The following ALMS1 variants were observed in gnomAD, a reference collection of about 807,000 sequenced individuals.
ALMS1 encodes the protein ALMS1 centrosome and basal body associated protein.
Under a neutral mutation model 352.2 loss-of-function variants are expected in ALMS1, and 271 were observed. The ratio of observed to expected loss-of-function variants is 0.77; its 90% CI spans 0.70 to 0.85. ALMS1 has a LOEUF of 0.85. Ranked by LOEUF, ALMS1 falls within the 40% of genes least tolerant of loss-of-function variation. The probability of loss-of-function intolerance (pLI) is 0.00; values close to 1 mark genes in which losing one functional copy is unlikely to be tolerated. For synonymous variants in ALMS1, 1,865 were observed against 1,761.2 expected (o/e 1.06, Z -1.48); for missense variants, 5,445 against 4,870.7 (o/e 1.12, Z -3.51).
intron 9 of ALMS1, among the ~76,000 whole-genome samples, chr2:73,475,592 A>G (rs1018509690): frequency 2.0e-5 from 3 of 152,128 alleles, no homozygotes; most frequent in African/African-American, 4.8e-5. Flanking sequence ...AGTTGCAAGC[A>G]TTCTTTTTAT....
intron 10 of ALMS1, among the ~76,000 whole-genome samples, chr2:73,500,466 A>G (rs1673196516): frequency 6.6e-6 from 1 of 152,158 alleles, no homozygotes; most frequent in African/African-American, 2.4e-5. Context: ...TTGAGACCAC[A>G]TTTCCTTTGG....
intron 7 of ALMS1, among the ~76,000 whole-genome samples, chr2:73,433,717 A>G (rs1205137038): frequency 6.6e-6 from 1 of 152,138 alleles, no homozygotes; most frequent in Non-Finnish European, 1.5e-5. Context: ...TTGTTTTTGA[A>G]TAGAATTTAC....
At position 73,602,015 on chromosome 2, in the gene ALMS1, C is replaced by T. The variant is rs542448321; in HGVS notation, c.12115-170C>T. Among the ~76,000 whole-genome samples the T allele has an allele frequency of 1.8e-4, 28 of 152,332 alleles. No homozygotes were observed. The South Asian group carries it at 2.5e-3, about 14-fold the overall frequency. ...GATCCCTGCGGTTTCCAAGCTGCAG[C>T]TCTCCCCCATAGAGAGATGTCAGAG... On this transcript the variant is annotated intron_variant, in intron 19 of 22. Coordinates refer to ENST00000613296, the MANE Select transcript of ALMS1 (RefSeq NM_001378454.1).
intron 10 of ALMS1, among the ~76,000 whole-genome samples, chr2:73,501,313 TTGA>T (rs1207764619): frequency 3.3e-5 from 5 of 152,116 alleles, no homozygotes; most frequent in Non-Finnish European, 7.4e-5. Flanking sequence ...AGCTTTAATT[TTGA>T]TGAATTCCAC....
intron 9 of ALMS1, among the ~76,000 whole-genome samples, chr2:73,485,047 G>T (rs1297617433): frequency 6.6e-6 from 1 of 152,140 alleles, no homozygotes; most frequent in African/African-American, 2.4e-5. Flanking sequence ...AGAGTAATTT[G>T]ATCGTCTGAA....
At chr2:73,537,470 CAT>C (rs1340741575) in intron 12 of ALMS1, among the ~76,000 whole-genome samples, 1 of 152,178 alleles carries the variant, frequency 6.6e-6, no homozygotes, top group Non-Finnish European at 1.5e-5. Context: ...TACATCCCAA[CAT>C]ATGTGTGGAG....
chr2:73,438,667 A>C (rs2103749331), intron 7 of ALMS1, among the ~76,000 whole-genome samples: 1 of 152,352 alleles, frequency 6.6e-6, no homozygotes, highest in East Asian at 1.9e-4. Flanking sequence ...GAGCATGGGT[A>C]GAGAGAAAAG....
Position 73,432,202 on chromosome 2 carries a change from C to G in ALMS1, c.1343C>G (p.Thr448Arg), listed in dbSNP as rs774335945. 1.8e-4 allele frequency: 291 copies of G among 1,611,894 alleles called. No individual in the cohort carries two copies. Among genetic ancestry groups the G allele is most frequent in the Non-Finnish European group, 2.3e-4 (273 of 1,178,238 alleles). ...ERVAELQRKP[T>R]RESEYHSSDL... is the part of the protein sequence containing the mutation. ...CCTTCATTTGTTCCACATAAGCCAA[C>G]AAGAGAGTCGGAATATCACTCTTCA... The change falls in exon 7 of 23, where the codon ACA becomes AGA. Residue 448 changes from threonine to arginine, a missense_variant. Thr to Arg is a moderately conservative substitution (Grantham distance 71). Transcript: ENST00000613296.
At chr2:73,430,423 G>A (rs1671476968) in intron 6 of ALMS1, among the ~76,000 whole-genome samples, 1 of 152,116 alleles carries the variant, frequency 6.6e-6, no homozygotes, top group Admixed American at 6.5e-5. Context: ...TTAACATAAT[G>A]AAATTTTTTT....
chr2:73,386,314 A>T (rs1381789466), intron 1 of ALMS1, 122 bp downstream of exon 1: 1 of 1,344,698 alleles, frequency 7.4e-7, no homozygotes, highest in East Asian at 2.8e-5. Context: ...AGCTGAGGCT[A>T]GTAGGCGGCC....
intron 2 of ALMS1, among the ~76,000 whole-genome samples, chr2:73,416,439 A>G (rs544843810): frequency 1.3e-5 from 2 of 152,182 alleles, no homozygotes; most frequent in Admixed American, 6.5e-5. Context: ...CTTTGCATGT[A>G]TTTGTATAAC....
intron 19 of ALMS1, among the ~76,000 whole-genome samples, chr2:73,601,650 G>A (rs984511757): frequency 2.6e-5 from 4 of 152,182 alleles, no homozygotes; most frequent in South Asian, 2.1e-4. Flanking sequence ...GTGCATCACC[G>A]TCGGGATCTG....
At chr2:73,597,144 TTTG>T (rs1057240119) in intron 16 of ALMS1, among the ~76,000 whole-genome samples, 2 of 152,238 alleles carry the variant, frequency 1.3e-5, no homozygotes, top group Admixed American at 6.5e-5. Context: ...TTGCACTTCT[TTTG>T]TTAACTTTAT....
intron 10 of ALMS1, among the ~76,000 whole-genome samples, chr2:73,508,593 G>A (rs1443308258): frequency 6.6e-6 from 1 of 152,116 alleles, no homozygotes; most frequent in Non-Finnish European, 1.5e-5. Context: ...TGCATTTTCT[G>A]AGGAGTGTTT....
chr2:73,589,456 C>CTTCTT (rs1558706108), intron 16 of ALMS1, among the ~76,000 whole-genome samples: 3 of 152,054 alleles, frequency 2.0e-5, no homozygotes, highest in Admixed American at 2.0e-4. Context: ...GTTCATGACC[C>CTTCTT]CTCTTTTTAA....
At chr2:73,394,062 C>T (rs1670706318) in intron 1 of ALMS1, among the ~76,000 whole-genome samples, 1 of 152,158 alleles carries the variant, frequency 6.6e-6, no homozygotes, top group Non-Finnish European at 1.5e-5. Flanking sequence ...CTAAAGCCAT[C>T]TGCCCACCTC....
At chr2:73,508,206 TC>T (rs1673376317) in intron 10 of ALMS1, among the ~76,000 whole-genome samples, 1 of 125,932 alleles carries the variant, frequency 7.9e-6, no homozygotes, top group Non-Finnish European at 1.6e-5. Flanking sequence ...TTCTTCTTCT[TC>T]TTTTTTTTTT....
intron 10 of ALMS1, among the ~76,000 whole-genome samples, chr2:73,503,551 A>G (rs560253384): frequency 6.8e-4 from 104 of 152,262 alleles, no homozygotes; most frequent in African/African-American, 1.9e-3. Flanking sequence ...TAGTGCCGCA[A>G]TAAACATACG....
chr2:73,484,200 A>C (rs1370287477), intron 9 of ALMS1, among the ~76,000 whole-genome samples: 2 of 151,714 alleles, frequency 1.3e-5, no homozygotes, highest in Non-Finnish European at 2.9e-5. Context: ...ATGATTTTGC[A>C]GCGGCTGGTA....
Sources: gnomAD v4.1 joint callset for allele counts (sites outside exome capture counted in the v4.1 genomes callset) on GRCh38, gnomAD v4.1.1 for gene constraint, MANE v1.5 for transcripts, NCBI Gene and HGNC (gene_info 2026-07-23, HGNC 2026-07-21) for gene names.